Variants in KCNH5 observed in about 807,000 individuals in gnomAD.
The protein encoded by KCNH5 is voltage-gated delayed rectifier potassium channel KCNH5.
Under a neutral mutation model 96.1 loss-of-function variants are expected in KCNH5, and 46 were observed. That is an observed-to-expected ratio of 0.48 (90% CI 0.38 to 0.61). The LOEUF (loss-of-function observed/expected upper bound fraction) is 0.61. Among genes scored for constraint, KCNH5 ranks in the 20% least tolerant of loss-of-function variants. The pLI, the probability that KCNH5 is intolerant of heterozygous loss-of-function variation, is 0.00. For synonymous variants in KCNH5, 439 were observed against 449.8 expected (o/e 0.98, Z 0.30); for missense variants, 907 against 1,225.8 (o/e 0.74, Z 3.88).
At chr14:63,014,489 C>T (rs1891287233) in intron 2 of KCNH5, among the ~76,000 whole-genome samples, 1 of 152,092 alleles carries the variant, frequency 6.6e-6, no homozygotes, top group Non-Finnish European at 1.5e-5. Flanking sequence ...AACACACCAG[C>T]ACTTATTTTC....
intron 4 of KCNH5, 35 bp from the exon 5 acceptor site, chr14:62,987,222 T>A: frequency 7.1e-7 from 1 of 1,406,296 alleles, no homozygotes; most frequent in Admixed American, 1.7e-5. Context: ...CAGTTTTTCA[T>A]ACAAATGAAT....
intron 9 of KCNH5, among the ~76,000 whole-genome samples, chr14:62,795,796 G>GT (rs1886529351): frequency 6.6e-6 from 1 of 152,016 alleles, no homozygotes; most frequent in African/African-American, 2.4e-5. Context: ...AAAATAGGAG[G>GT]TACTAAGAAC....
At chr14:62,710,665 A>C (rs2139902099) in intron 10 of KCNH5, among the ~76,000 whole-genome samples, 1 of 152,226 alleles carries the variant, frequency 6.6e-6, no homozygotes, top group South Asian at 2.1e-4. Context: ...TTAGCCTAGG[A>C]TAGACATAGT....
At chr14:62,826,204 C>G (rs1377087665) in intron 8 of KCNH5, among the ~76,000 whole-genome samples, 1 of 151,968 alleles carries the variant, frequency 6.6e-6, no homozygotes, top group Non-Finnish European at 1.5e-5. Flanking sequence ...TCTATATTTT[C>G]TATTTTATGA....
chr14:62,781,066 T>C (rs551266647), intron 9 of KCNH5, among the ~76,000 whole-genome samples: 228 of 152,148 alleles, frequency 1.5e-3, no homozygotes, highest in African/African-American at 5.3e-3. Context: ...ACATAGGTTC[T>C]TTTCTATTTT....
At position 62,776,215 on chromosome 14, in the gene KCNH5, C is replaced by T. The variant is rs904561381; in HGVS notation, c.2019+3513G>A. Among the ~76,000 whole-genome samples, 8 of 151,776 alleles carry T rather than the reference C, an allele frequency of 5.3e-5. 1 individual carries two copies. In the South Asian group the frequency reaches 6.2e-4, roughly 12 times the overall value. On this transcript the variant is annotated intron_variant, in intron 10 of 10. Coordinates refer to ENST00000322893, the MANE Select transcript of KCNH5 (RefSeq NM_139318.5). ...CCAGGAGGCGGAGGTTGCAGTGAGT[C>T]GAGATCGCACCACTGCACTCCAGCC... is the stretch of plus-strand genomic sequence containing the variant.
At chr14:62,730,664 G>T (rs1885029897) in intron 10 of KCNH5, among the ~76,000 whole-genome samples, 1 of 152,174 alleles carries the variant, frequency 6.6e-6, no homozygotes, top group Non-Finnish European at 1.5e-5. Flanking sequence ...AACAACAGGG[G>T]AGTGTTTATT....
At chr14:62,756,721 TTGTGC>T (rs1301275142) in intron 10 of KCNH5, among the ~76,000 whole-genome samples, 3 of 152,120 alleles carry the variant, frequency 2.0e-5, no homozygotes, top group African/African-American at 7.2e-5. Flanking sequence ...CTTCAATAAA[TTGTGC>T]TGGGAAAACT....
At chr14:62,858,374 C>T (rs1198534849) in intron 7 of KCNH5, among the ~76,000 whole-genome samples, 1 of 152,164 alleles carries the variant, frequency 6.6e-6, no homozygotes, top group African/African-American at 2.4e-5. Context: ...TGACCTTAAT[C>T]ACAGGGCATG....
chr14:62,911,457 C>T (rs149513914), intron 7 of KCNH5, among the ~76,000 whole-genome samples: 2,323 of 151,578 alleles, frequency 0.015, 33 homozygotes, highest in Non-Finnish European at 0.026. Flanking sequence ...TAGAATGTTT[C>T]CATGGAACTT....
chr14:62,889,410 G>C (rs980038077), intron 7 of KCNH5, among the ~76,000 whole-genome samples: 2 of 152,158 alleles, frequency 1.3e-5, no homozygotes, highest in African/African-American at 4.8e-5. Context: ...ACCAAAAAAA[G>C]CTCAATTGCA....
chr14:62,822,637 T>C (rs1045397423), intron 8 of KCNH5, among the ~76,000 whole-genome samples: 1 of 150,986 alleles, frequency 6.6e-6, no homozygotes, highest in African/African-American at 2.4e-5. Context: ...TTTTCAAAAA[T>C]GTATCAGGAC....
Position 62,798,506 on chromosome 14 carries a change from T to C in KCNH5, c.1822+3823A>G, listed in dbSNP as rs181204094. On this transcript the variant is annotated intron_variant, in intron 9 of 10. Coordinates refer to ENST00000322893, the MANE Select transcript of KCNH5 (RefSeq NM_139318.5). ...TAAGACATTAAAGAATATAAAATAT[T>C]ATGTATGCATCACGAACTTAATTTG... Among the ~76,000 whole-genome samples the C allele has an allele frequency of 2.1e-4, 32 of 152,332 alleles. No individual in the cohort carries two copies. The East Asian group carries it at 6.2e-3, about 29-fold the overall frequency.
At chr14:62,974,664 C>G (rs1434714234) in intron 6 of KCNH5, among the ~76,000 whole-genome samples, 1 of 152,184 alleles carries the variant, frequency 6.6e-6, no homozygotes, top group Non-Finnish European at 1.5e-5. Flanking sequence ...CTAAGTCATT[C>G]TGCACTTACA....
chr14:62,833,508 G>A (rs1008587115), intron 8 of KCNH5, among the ~76,000 whole-genome samples: 1 of 151,952 alleles, frequency 6.6e-6, no homozygotes, highest in Non-Finnish European at 1.5e-5. Flanking sequence ...CTGTATGCCA[G>A]GACCATACTG....
intron 1 of KCNH5, among the ~76,000 whole-genome samples, chr14:63,034,148 G>A (rs1022304572): frequency 6.6e-6 from 1 of 152,058 alleles, no homozygotes; most frequent in African/African-American, 2.4e-5. Context: ...TCGATCTCCT[G>A]ACCTCGTGAT....
At chr14:62,806,456 AC>A (rs1287826888) in intron 8 of KCNH5, among the ~76,000 whole-genome samples, 4 of 152,012 alleles carry the variant, frequency 2.6e-5, no homozygotes, top group Non-Finnish European at 4.4e-5. Flanking sequence ...TAGTGCAGAA[AC>A]CCTGACCCAA....
At chr14:62,814,507 A>G (rs1340524642) in intron 8 of KCNH5, among the ~76,000 whole-genome samples, 3 of 152,062 alleles carry the variant, frequency 2.0e-5, no homozygotes, top group Admixed American at 2.0e-4. Context: ...ATTGTTTTCT[A>G]CTGGCCATGA....
chr14:62,954,488 A>G (rs1299256546), intron 6 of KCNH5, among the ~76,000 whole-genome samples: 3 of 152,230 alleles, frequency 2.0e-5, no homozygotes, highest in African/African-American at 7.2e-5. Context: ...TAAATGAAAG[A>G]ATAAACTTTT....
Sources: gnomAD v4.1 joint callset for allele counts (sites outside exome capture counted in the v4.1 genomes callset) on GRCh38, gnomAD v4.1.1 for gene constraint, MANE v1.5 for transcripts, NCBI Gene and HGNC (gene_info 2026-07-23, HGNC 2026-07-21) for gene names.